Variants in ITPK1 observed in about 807,000 individuals in gnomAD.
ITPK1 encodes the protein inositol 1,3,4-trisphosphate 5/6-kinase.
ITPK1 carries 21 observed loss-of-function variants against 45.3 expected under a neutral mutation model. The observed-to-expected ratio is 0.46, with a 90% CI of 0.33 to 0.67. The LOEUF (loss-of-function observed/expected upper bound fraction) is 0.67. Among genes scored for constraint, ITPK1 ranks in the 30% least tolerant of loss-of-function variants. ITPK1 has a pLI of 0.02. For missense variants in ITPK1, 474 were observed against 573.5 expected, an observed-to-expected ratio of 0.83 and a Z score of 1.77; for synonymous variants, 258 against 253.6, an observed-to-expected ratio of 1.02 and a Z score of -0.16.
At chr14:93,070,146 A>C (rs948761587) in intron 3 of ITPK1, 1 of 152,308 alleles carries the variant, frequency 6.6e-6, no homozygotes. Flanking sequence ...GATCTTTTAC[A>C]GTAACTGGGG....
intron 3 of ITPK1, among the ~76,000 whole-genome samples, chr14:93,023,752 AAGATAACTTGTC>A (rs1482650007): frequency 3.3e-5 from 5 of 152,102 alleles, no homozygotes; most frequent in African/African-American, 9.7e-5. Context: ...CTGTAAGGGG[AAGATAACTTGTC>A]AGAGCCCTTA....
chr14:92,976,040 A>G (rs1021386475), intron 5 of ITPK1, among the ~76,000 whole-genome samples: 1 of 152,144 alleles, frequency 6.6e-6, no homozygotes, highest in African/African-American at 2.4e-5. Flanking sequence ...CCCTTCCACC[A>G]TGATTGTAAG....
chr14:93,072,498 T>G (rs1025280780), intron 3 of ITPK1, among the ~76,000 whole-genome samples: 2 of 152,132 alleles, frequency 1.3e-5, no homozygotes, highest in Admixed American at 1.3e-4. Flanking sequence ...CAGAAACCAC[T>G]TATTCAAATT....
intron 2 of ITPK1, among the ~76,000 whole-genome samples, chr14:93,105,755 G>A (rs980231185): frequency 1.4e-5 from 2 of 147,796 alleles, no homozygotes; most frequent in Non-Finnish European, 3.0e-5. Context: ...CCAGGCTGGA[G>A]TACAGTGGCG....
In ITPK1 at chr14:92,958,915, G is replaced by A. The variant is rs1205289672; in HGVS notation, c.505-549C>T. Among the ~76,000 whole-genome samples, 1 of 152,188 alleles carries A rather than the reference G, an allele frequency of 6.6e-6. No individual in the cohort carries two copies. Among genetic ancestry groups the A allele is most frequent in the East Asian group, 1.9e-4 (1 of 5,190 alleles). ...CCCTCACAATGCACATCTGAGGTGA[G>A]CATACAACCTTTCACAGATGAGGAC... On this transcript the variant is annotated intron_variant, in intron 7 of 10. Transcript: ENST00000267615. This position sits in a 1 kb window ranked among gnomAD's most constrained non-coding sequence, Gnocchi z 4.4.
chr14:92,951,473 CT>C (rs1243069320), intron 9 of ITPK1, among the ~76,000 whole-genome samples: 1 of 152,200 alleles, frequency 6.6e-6, no homozygotes, highest in Non-Finnish European at 1.5e-5. Context: ...GCAACACTCA[CT>C]GAACGGCCAG....
chr14:93,018,470 G>A (rs1199181585), intron 3 of ITPK1, among the ~76,000 whole-genome samples: 2 of 152,050 alleles, frequency 1.3e-5, no homozygotes, highest in Non-Finnish European at 2.9e-5. Flanking sequence ...TTGTCTGCTG[G>A]TGTCTTTAAC....
intron 2 of ITPK1, among the ~76,000 whole-genome samples, chr14:93,103,876 T>G (rs976469641): frequency 6.6e-5 from 10 of 152,092 alleles, no homozygotes; most frequent in African/African-American, 2.2e-4. Flanking sequence ...TCTGCACCCA[T>G]CTACCATGCC....
At chr14:93,110,320 C>T (rs1056046608) in intron 2 of ITPK1, among the ~76,000 whole-genome samples, 2 of 152,170 alleles carry the variant, frequency 1.3e-5, no homozygotes, top group African/African-American at 4.8e-5. Flanking sequence ...CCCACCTCTG[C>T]ACCCCCGAAA....
intron 9 of ITPK1, among the ~76,000 whole-genome samples, chr14:92,948,296 C>T (rs1282733344): frequency 6.6e-6 from 1 of 152,174 alleles, no homozygotes; most frequent in Admixed American, 6.5e-5. Context: ...TGTGAAGGTA[C>T]TAATTGCCAC....
chr14:93,078,751 C>G lies in ITPK1; in HGVS notation c.96-2132G>C, dbSNP rs543541423. The stretch of plus-strand genomic sequence containing the variant: ...ACCGTTTCTGAGCACCTGTGGACAC[C>G]TCAGCCCCTGCCTCATTCCCAATCA... On this transcript the variant is annotated intron_variant, in intron 2 of 10. Coordinates refer to ENST00000267615, the MANE Select transcript of ITPK1 (RefSeq NM_014216.6). Among the ~76,000 whole-genome samples, 14 of 152,300 alleles carry G rather than the reference C, an allele frequency of 9.2e-5. No individual in the cohort carries two copies. The East Asian group carries it at 2.7e-3, about 29-fold the overall frequency.
rs1887938464 is a variant in ITPK1 at position 93,012,068 on chromosome 14, CAG to C, written c.246+4606_246+4607del. Among the ~76,000 whole-genome samples the C allele has an allele frequency of 6.6e-6, 1 of 152,154 alleles. No homozygotes were observed. The highest frequency in any genetic ancestry group is 6.5e-5 in the Admixed American group (1 of 15,272). On this transcript the variant is annotated intron_variant, in intron 4 of 10. Transcript: ENST00000267615. The surrounding 1 kb of genome is among the most constrained non-coding windows in gnomAD (Gnocchi z 4.9). ...TCCCTCCCCGCTCCAAGCAGCCCAGCAGAGCCACGTCCTCCCTCCGCAAGGCC... is the reference window on the plus strand; with the variant it reads ...TCCCTCCCCGCTCCAAGCAGCCCAGCAGCCACGTCCTCCCTCCGCAAGGCC...
chr14:93,056,229 AG>A (rs1253826537), intron 3 of ITPK1, among the ~76,000 whole-genome samples: 1 of 152,172 alleles, frequency 6.6e-6, no homozygotes, highest in Non-Finnish European at 1.5e-5. Context: ...GGCCAAGCAG[AG>A]GGAACTGTCG....
chr14:93,110,570 G>A (rs182142655), intron 2 of ITPK1, among the ~76,000 whole-genome samples: 104 of 152,276 alleles, frequency 6.8e-4, no homozygotes, highest in South Asian at 2.5e-3. Context: ...TCACTGGCAC[G>A]CCTCCCAAGC....
chr14:93,076,179 C>T lies in ITPK1; in HGVS notation c.120+416G>A, dbSNP rs1472831892. On this transcript the variant is annotated intron_variant, in intron 3 of 10. Transcript: ENST00000267615. The surrounding 1 kb of genome is among the most constrained non-coding windows in gnomAD (Gnocchi z 4.3). ...CTTCCCCCTCCATCCATTCTTCCTT[C>T]TTCTTCCATCCATCCTTCTTTTTCT... Among the ~76,000 whole-genome samples, 1 of 151,888 alleles carries T rather than the reference C, an allele frequency of 6.6e-6. No homozygotes were observed. The highest frequency in any genetic ancestry group is 1.5e-5 in the Non-Finnish European group (1 of 67,990).
intron 8 of ITPK1, among the ~76,000 whole-genome samples, chr14:92,956,294 A>AT (rs146213518): frequency 5.1e-3 from 713 of 139,074 alleles, no homozygotes; most frequent in African/African-American, 6.8e-3. Flanking sequence ...TAATTTTTTA[A>AT]TTTTTTTTTT....
intron 5 of ITPK1, among the ~76,000 whole-genome samples, chr14:92,969,799 G>A (rs1885558508): frequency 6.6e-6 from 1 of 152,176 alleles, no homozygotes; most frequent in African/African-American, 2.4e-5. Flanking sequence ...TTGGATGGGA[G>A]GTGGAATGAG....
Position 92,976,505 on chromosome 14 carries a change from G to A in ITPK1, c.365-13656C>T, listed in dbSNP as rs138974601. ...GAGCCCAGCCAAGCTGCAGATTCAT[G>A]AGCACAAGAAACACCATTATCATTT... is the stretch of plus-strand genomic sequence containing the variant. On this transcript the variant is annotated intron_variant, in intron 5 of 10. Coordinates refer to ENST00000267615, the MANE Select transcript of ITPK1 (RefSeq NM_014216.6). Among the ~76,000 whole-genome samples the A allele has an allele frequency of 1.7e-3, 264 of 152,326 alleles. 1 individual carries two copies. Among genetic ancestry groups the A allele is most frequent in the Non-Finnish European group, 3.1e-3 (212 of 68,036 alleles).
intron 3 of ITPK1, among the ~76,000 whole-genome samples, chr14:93,057,775 T>TG (rs1035279270): frequency 2.1e-4 from 32 of 152,158 alleles, no homozygotes; most frequent in African/African-American, 6.8e-4. Context: ...TGCTCTCCCA[T>TG]GGGGGCCACA....
Sources: gnomAD v4.1 joint callset for allele counts (sites outside exome capture counted in the v4.1 genomes callset) on GRCh38, gnomAD v4.1.1 for gene constraint, Gnocchi (gnomAD v3.1) non-coding constraint, MANE v1.5 for transcripts, NCBI Gene and HGNC (gene_info 2026-07-23, HGNC 2026-07-21) for gene names.